TDRD9: variants seen among roughly 807,000 people sequenced by gnomAD.
The protein encoded by TDRD9 is tudor domain containing 9, also known as ATP-dependent RNA helicase TDRD9.
Under a neutral mutation model 172.6 loss-of-function variants are expected in TDRD9, and 124 were observed. The observed-to-expected ratio is 0.72, with a 90% confidence interval of 0.62 to 0.83. The LOEUF (loss-of-function observed/expected upper bound fraction) is 0.83, where lower values mean the gene tolerates loss of function less well. Ranked by LOEUF, TDRD9 falls within the 40% of genes least tolerant of loss-of-function variation. TDRD9 has a pLI of 0.00. For missense variants in TDRD9, 1,479 were observed against 1,714.1 expected (o/e 0.86, Z 2.42); for synonymous variants, 619 against 617.1 (o/e 1.00, Z -0.05).
intron 34 of TDRD9, among the ~76,000 whole-genome samples, 200 bp downstream of exon 34, chr14:104,042,387 G>T (rs2035635969): frequency 6.6e-6 from 1 of 152,152 alleles, no homozygotes; most frequent in Non-Finnish European, 1.5e-5. Flanking sequence ...TCCTGTGTGT[G>T]TGTGTCCCTT....
chr14:103,953,997 C>T (rs1763306386), intron 1 of TDRD9, among the ~76,000 whole-genome samples: 1 of 152,092 alleles, frequency 6.6e-6, no homozygotes, highest in South Asian at 2.1e-4. Context: ...GTCAAGTTGA[C>T]ATAAAATTAA....
Position 104,032,040 on chromosome 14 carries a change from C to CTAA in TDRD9, c.3462_3463insTAA (p.Asn1154_Pro1155insTer). 3.2e-6 allele frequency: 5 copies of CTAA among 1,549,120 alleles called. No individual in the cohort carries two copies. Among genetic ancestry groups the CTAA allele is most frequent in the Non-Finnish European group, 4.4e-6 (5 of 1,146,298 alleles). On this transcript the variant is annotated stop_gained and inframe_insertion, in exon 30 of 36. Transcript: ENST00000409874. LOFTEE classifies it high-confidence loss of function. ...AGGCAGAACTTCACGGGCCTTTTAA[C>CTAA]CCTTATGAACTAAAGTGCCATAGTT...
intron 1 of TDRD9, chr14:103,940,631 A>G (rs2031163326): frequency 9.8e-6 from 5 of 511,584 alleles, no homozygotes; most frequent in South Asian, 3.6e-5. Context: ...ATACTATTCA[A>G]TGAAAACATA....
At chr14:103,974,019 G>C (rs2152163711) in intron 6 of TDRD9, among the ~76,000 whole-genome samples, 2 of 152,214 alleles carry the variant, frequency 1.3e-5, no homozygotes, top group South Asian at 4.1e-4. Flanking sequence ...GCAACATGGC[G>C]AAACCCTGCC....
At chr14:103,938,410 GTGTGTA>G (rs1457655295) in intron 1 of TDRD9, among the ~76,000 whole-genome samples, 34 of 73,284 alleles carry the variant, frequency 4.6e-4, no homozygotes, top group African/African-American at 1.3e-3. Flanking sequence ...GTGTGTGTGT[GTGTGTA>G]TATATATATA....
chr14:103,945,164 G>T (rs1389520679), intron 1 of TDRD9, among the ~76,000 whole-genome samples: 1 of 152,130 alleles, frequency 6.6e-6, no homozygotes, highest in African/African-American at 2.4e-5. Context: ...GACCTTTTTG[G>T]GTAGGAGGTA....
At chr14:104,051,275 C>T (rs2035929139) in intron 35 of TDRD9, among the ~76,000 whole-genome samples, 1 of 152,176 alleles carries the variant, frequency 6.6e-6, no homozygotes, top group Admixed American at 6.5e-5. Flanking sequence ...ATCCCGATTG[C>T]ACAATTTCAT....
intron 1 of TDRD9, among the ~76,000 whole-genome samples, chr14:103,946,075 C>T (rs2031542661): frequency 6.6e-6 from 1 of 151,940 alleles, no homozygotes; most frequent in South Asian, 2.1e-4. Flanking sequence ...AAGAGATTCT[C>T]CCACCTCAGC....
In TDRD9 at chr14:103,992,817, C is replaced by T. The variant is rs568441786; in HGVS notation, c.1181-1515C>T. On this transcript the variant is annotated intron_variant, in intron 9 of 35. Coordinates refer to ENST00000409874, the MANE Select transcript of TDRD9 (RefSeq NM_153046.3). Reference sequence around the variant, plus strand: ...GCGGGCACCTGTGGTCCCAGCTATTCGGAAGGCTGAGGCAGGAGAATGGCA... The same window carrying T: ...GCGGGCACCTGTGGTCCCAGCTATTTGGAAGGCTGAGGCAGGAGAATGGCA... 5.4e-5 allele frequency among the ~76,000 whole-genome samples: 8 copies of T among 147,024 alleles called. No individual in the cohort carries two copies. In the East Asian group the frequency reaches 1.3e-3, roughly 23 times the overall value.
At position 103,963,181 on chromosome 14, in the gene TDRD9, A is replaced by C. The variant is rs1453976854; in HGVS notation, c.420+5A>C. 1 of 1,539,232 alleles carries C rather than the reference A, an allele frequency of 6.5e-7. No homozygotes were observed. Among genetic ancestry groups the C allele is most frequent in the East Asian group, 2.5e-5 (1 of 40,712 alleles). On this transcript the variant is annotated splice_donor_5th_base_variant and intron_variant, in intron 3 of 35. Coordinates refer to ENST00000409874, the MANE Select transcript of TDRD9 (RefSeq NM_153046.3). ...ATAAGTCGATACAAGGAAGAGGTAAAATTGTTTTGTTATACTGTAATTTTG... is the reference window on the plus strand; with the variant it reads ...ATAAGTCGATACAAGGAAGAGGTAACATTGTTTTGTTATACTGTAATTTTG...
chr14:103,956,106 AAAAAAATATATATAT>A (rs1478653801), intron 2 of TDRD9, among the ~76,000 whole-genome samples: 31 of 43,072 alleles, frequency 7.2e-4, no homozygotes, highest in South Asian at 4.6e-3. Flanking sequence ...AAAAAAAAAA[AAAAAAATATATATAT>A]ATATATATAT....
intron 6 of TDRD9, among the ~76,000 whole-genome samples, chr14:103,972,018 A>T (rs2033055083): frequency 6.6e-6 from 1 of 152,020 alleles, no homozygotes; most frequent in South Asian, 2.1e-4. Flanking sequence ...CTAGCTGGAC[A>T]TAGTGGTGTG....
At chr14:104,051,442 A>G (rs1413388107) in intron 35 of TDRD9, among the ~76,000 whole-genome samples, 4 of 152,162 alleles carry the variant, frequency 2.6e-5, no homozygotes, top group Non-Finnish European at 2.9e-5. Flanking sequence ...TGGTAGAACA[A>G]TTTGTTTTCT....
intron 1 of TDRD9, among the ~76,000 whole-genome samples, chr14:103,931,488 T>A (rs2030386325): frequency 6.6e-6 from 1 of 152,178 alleles, no homozygotes; most frequent in Non-Finnish European, 1.5e-5. Context: ...TTCCAGCACG[T>A]AGCAGGCACT....
At chr14:103,965,211 CAAACA>C (rs1009305790) in intron 3 of TDRD9, 117 bp from the exon 4 acceptor site, 16 of 1,083,748 alleles carry the variant, frequency 1.5e-5, no homozygotes, top group Middle Eastern at 3.1e-4. Context: ...GACTCCATCT[CAAACA>C]AAACAAAACA....
intron 10 of TDRD9, 39 bp from the exon 11 acceptor site, chr14:103,994,480 T>C (rs778286122): frequency 6.2e-7 from 1 of 1,607,230 alleles, no homozygotes; most frequent in East Asian, 2.2e-5. Context: ...CTCATGTATA[T>C]CTATTCTTTA....
rs765299197 is a variant in TDRD9 at position 104,025,588 on chromosome 14, G to A, written c.2743G>A (p.Gly915Arg). Residue 915 changes from glycine to arginine, a missense_variant, in exon 26 of 36, where the codon GGA (glycine) becomes AGA (arginine). Coordinates refer to ENST00000409874, the MANE Select transcript of TDRD9 (RefSeq NM_153046.3). Reference sequence around the variant, plus strand: ...GGTGGTTGAAGTGGGACACTTTTGGGGATACAGGATTGATGAAAACAACTC... The same window carrying A: ...GGTGGTTGAAGTGGGACACTTTTGGAGATACAGGATTGATGAAAACAACTC... ...TEVVEVGHFW[G>R]YRIDENNSEI... 1 of 1,613,860 alleles carries A rather than the reference G, an allele frequency of 6.2e-7. No homozygotes were observed. The highest frequency in any genetic ancestry group is 8.5e-7 in the Non-Finnish European group (1 of 1,179,862).
intron 1 of TDRD9, among the ~76,000 whole-genome samples, chr14:103,952,049 T>C (rs944015039): frequency 6.6e-6 from 1 of 150,408 alleles, no homozygotes; most frequent in African/African-American, 2.4e-5. Context: ...ATTACCGGCG[T>C]GAGCCACCAT....
chr14:103,972,947 A>T (rs530057009), intron 6 of TDRD9, among the ~76,000 whole-genome samples: 1 of 152,264 alleles, frequency 6.6e-6, no homozygotes, highest in East Asian at 1.9e-4. Context: ...TCACATTGAG[A>T]CCTTTCTTGA....
Sources: allele counts gnomAD v4.1 joint callset (sites outside exome capture counted in the v4.1 genomes callset), GRCh38; gene constraint gnomAD v4.1.1; transcripts MANE v1.5; gene names NCBI Gene and HGNC (gene_info 2026-07-23, HGNC 2026-07-21).